The following TULP4 variants were observed in gnomAD, a reference collection of about 807,000 sequenced individuals.
TULP4 encodes the protein tubby-related protein 4.
In TULP4, 16 loss-of-function variants were observed where a neutral mutation model predicts 129.0. The observed-to-expected ratio is 0.12, with a 90% CI of 0.08 to 0.19. The LOEUF is 0.19. Ranked by LOEUF, TULP4 falls within the 10% of genes least tolerant of loss-of-function variation. The pLI is 1.00. For missense variants in TULP4, 1,842 were observed against 2,059.1 expected, an observed-to-expected ratio of 0.89 and a Z score of 2.04; for synonymous variants, 998 against 854.0, an observed-to-expected ratio of 1.17 and a Z score of -2.94.
chr6:158,402,925 G>A (rs1777888602), intron 1 of TULP4, among the ~76,000 whole-genome samples: 1 of 147,860 alleles, frequency 6.8e-6, no homozygotes, highest in African/African-American at 2.5e-5. Flanking sequence ...TATGTTGGGA[G>A]AATAACAACC....
intron 1 of TULP4, among the ~76,000 whole-genome samples, chr6:158,349,011 AC>A (rs1780400537): frequency 3.1e-5 from 2 of 64,464 alleles, no homozygotes; most frequent in African/African-American, 1.3e-4. Flanking sequence ...GGCGCTCCTC[AC>A]TTCCCAGACG....
At chr6:158,424,164 G>C (rs1778420778) in intron 2 of TULP4, among the ~76,000 whole-genome samples, 1 of 152,110 alleles carries the variant, frequency 6.6e-6, no homozygotes, top group Non-Finnish European at 1.5e-5. Context: ...TTGGTTCCAG[G>C]ACTTTCCACA....
At chr6:158,372,785 A>G (rs923982883) in intron 1 of TULP4, among the ~76,000 whole-genome samples, 1 of 152,186 alleles carries the variant, frequency 6.6e-6, no homozygotes, top group Non-Finnish European at 1.5e-5. Flanking sequence ...CCATATTTCT[A>G]AAGTGTCATC....
chr6:158,506,763 G>C lies in TULP4; in HGVS notation c.*69G>C. On this transcript the variant is annotated 3_prime_UTR_variant, in exon 14 of 14. Coordinates refer to ENST00000367097, the MANE Select transcript of TULP4 (RefSeq NM_020245.5). ...AGAGGTCTTCGGAGATGCCAGAGGAGCCCTCTAGGGGTCCGATGCCTGGGA... is the reference window on the plus strand; with the variant it reads ...AGAGGTCTTCGGAGATGCCAGAGGACCCCTCTAGGGGTCCGATGCCTGGGA... 2.7e-6 allele frequency: 3 copies of C among 1,108,878 alleles called. No individual in the cohort carries two copies. Among genetic ancestry groups the C allele is most frequent in the Non-Finnish European group, 4.1e-6 (3 of 730,440 alleles). The allele number at this position is 1,108,878 out of a possible 1,614,324, so 68.7% of individuals were successfully genotyped here.
rs146775344 is a variant in TULP4 at position 158,501,996 on chromosome 6, C to T, written c.2333C>T (p.Pro778Leu). 3.9e-5 allele frequency: 63 copies of T among 1,613,736 alleles called. No individual in the cohort carries two copies. The highest frequency in any genetic ancestry group is 1.1e-4 in the African/African-American group (8 of 74,862). Residue 778 changes from proline to leucine, a missense_variant, in exon 13 of 14, where the codon CCG becomes CTG. By Grantham distance (98) the Pro-to-Leu change is moderately conservative. Around this residue, in one of 5 missense-constraint regions of TULP4, gnomAD observed 1,089 missense variants for 987.1 expected, o/e 1.10. Transcript: ENST00000367097. ...CCCCCTCCACTGTCCCTGCCTCCCCCGCCGCAGGGGCCCATGCAGCTGTCC... is the reference window on the plus strand; with the variant it reads ...CCCCCTCCACTGTCCCTGCCTCCCCTGCCGCAGGGGCCCATGCAGCTGTCC... Reference protein sequence around the residue: ...QNPPPLSLPPPPQGPMQLSTV... With the variant: ...QNPPPLSLPPLPQGPMQLSTV...
At chr6:158,439,614 T>G (rs1244614004) in intron 3 of TULP4, among the ~76,000 whole-genome samples, 1 of 151,522 alleles carries the variant, frequency 6.6e-6, no homozygotes, top group South Asian at 2.1e-4. Flanking sequence ...GATTTTAGTT[T>G]CCCTGCAAAG....
At position 158,493,608 on chromosome 6, in the gene TULP4, C is replaced by A. The variant is rs746192901; in HGVS notation, c.1667C>A (p.Pro556His). ...GAGGCCCGCAAGTCACCCAAGCTGC[C>A]CCGGGCTGCTCAGGAGCTCTCCCGG... ...SIEARKSPKL[P>H]RAAQELSRSP... The change falls in exon 10 of 14, where the codon CCC (proline) becomes CAC (histidine). Residue 556 changes from proline (P) to histidine (H), a missense_variant. Pro to His is a moderately conservative substitution (Grantham distance 77). Coordinates refer to ENST00000367097, the MANE Select transcript of TULP4 (RefSeq NM_020245.5). The surrounding 1 kb of genome is among the most constrained non-coding windows in gnomAD (Gnocchi z 4.4). The A allele has an allele frequency of 6.3e-7, 1 of 1,582,232 alleles. No individual in the cohort carries two copies. The highest frequency in any genetic ancestry group is 8.6e-7 in the Non-Finnish European group (1 of 1,164,596).
intron 1 of TULP4, among the ~76,000 whole-genome samples, chr6:158,363,423 A>C (rs1444172064): frequency 1.3e-5 from 2 of 152,136 alleles, no homozygotes; most frequent in East Asian, 1.9e-4. Context: ...ATTTTTTTCA[A>C]CTGTCATTTT....
At chr6:158,325,138 G>A (rs1373109616) in intron 1 of TULP4, among the ~76,000 whole-genome samples, 1 of 152,208 alleles carries the variant, frequency 6.6e-6, no homozygotes, top group Non-Finnish European at 1.5e-5. Flanking sequence ...AAAATCAAAT[G>A]TGAGTGTAAA....
At chr6:158,285,321 T>TAAGCAACAAA (rs1228525046) in intron 1 of TULP4, among the ~76,000 whole-genome samples, 54 of 152,262 alleles carry the variant, frequency 3.5e-4, no homozygotes, top group African/African-American at 1.2e-3. Context: ...TATTATTTGT[T>TAAGCAACAAA]TATTGTTGCT....
At position 158,502,193 on chromosome 6, in the gene TULP4, G is replaced by A; in HGVS notation, c.2530G>A (p.Ala844Thr). 6.9e-7 allele frequency: 1 copy of A among 1,455,818 alleles called. No individual in the cohort carries two copies. Among genetic ancestry groups the A allele is most frequent in the Non-Finnish European group, 9.1e-7 (1 of 1,099,010 alleles). 90.2% of individuals were successfully genotyped at this position (1,455,818 alleles called of 1,614,324 possible). Residue 844 changes from alanine (A) to threonine (T), a missense_variant, in exon 13 of 14, where the codon GCC (alanine) becomes ACC (threonine). Physicochemically the swap from Ala to Thr is moderately conservative, Grantham distance 58. Around this residue, in one of 5 missense-constraint regions of TULP4, gnomAD observed 1,089 missense variants for 987.1 expected, o/e 1.10. Transcript: ENST00000367097. ...CCCGTACCCAGGAACCATCCCCGCT[G>A]CCCCCACCACAGCAGCACCCCCGCC... is the stretch of plus-strand genomic sequence containing the variant. ...PPPYPGTIPA[A>T]PTTAAPPPPL...
chr6:158,271,842 A>G (rs1302718950), intron 1 of TULP4, among the ~76,000 whole-genome samples: 1 of 152,224 alleles, frequency 6.6e-6, no homozygotes, highest in Admixed American at 6.5e-5. Context: ...CTGAGAATAA[A>G]TCTGTTTTGG....
At chr6:158,304,512 C>T (rs1306587899) in intron 1 of TULP4, among the ~76,000 whole-genome samples, 4 of 152,084 alleles carry the variant, frequency 2.6e-5, no homozygotes, top group Admixed American at 2.6e-4. Flanking sequence ...CCTGTGTTAA[C>T]AGTGCTCAGG....
chr6:158,289,544 G>A (rs963900423), intron 1 of TULP4, among the ~76,000 whole-genome samples: 1 of 151,942 alleles, frequency 6.6e-6, no homozygotes, highest in Admixed American at 6.6e-5. Context: ...TTTTATAACA[G>A]TTTCTTCTTT....
intron 8 of TULP4, among the ~76,000 whole-genome samples, chr6:158,482,379 C>A (rs1779967916): frequency 6.6e-6 from 1 of 152,176 alleles, no homozygotes; most frequent in South Asian, 2.1e-4. Flanking sequence ...CTCTACTACC[C>A]CTGCAAAACA....
At position 158,493,769 on chromosome 6, in the gene TULP4, C is replaced by T; in HGVS notation, c.1776+52C>T. 6.8e-7 allele frequency: 1 copy of T among 1,477,638 alleles called. No homozygotes were observed. The highest frequency in any genetic ancestry group is 1.4e-5 in the South Asian group (1 of 71,408). The allele number at this position is 1,477,638 out of a possible 1,614,324, so 91.5% of individuals were successfully genotyped here. A position where few individuals can be genotyped will look rare whatever the true frequency, so the allele number is the denominator to read the frequency against. ...GCTCCCCTCCTCCTGGGGGCTATGC[C>T]CAGAGGGCCCCTTCCTACCCGCCGC... On this transcript the variant is annotated intron_variant, in intron 10 of 13. Transcript: ENST00000367097. The surrounding 1 kb of genome is among the most constrained non-coding windows in gnomAD (Gnocchi z 4.4).
upstream of TULP4, chr6:158,312,335 A>G (rs190326240): frequency 3.0e-4 from 117 of 389,762 alleles, 1 homozygote; most frequent in African/African-American, 2.0e-3. Context: ...AGTTTTCCAT[A>G]TGGTCTGCAC....
intron 11 of TULP4, among the ~76,000 whole-genome samples, chr6:158,496,940 T>C (rs536527055): frequency 6.6e-6 from 1 of 152,348 alleles, no homozygotes; most frequent in Admixed American, 6.5e-5. Flanking sequence ...CTCAAGCTCC[T>C]GCGCTCGAGT....
chr6:158,242,390 C>G (rs1332664688), intron 1 of TULP4: 5 of 1,477,886 alleles, frequency 3.4e-6, no homozygotes, highest in Non-Finnish European at 4.7e-6. Context: ...TTTTCCTCTC[C>G]TCATCATAAG....
Sources: allele counts gnomAD v4.1 joint callset (sites outside exome capture counted in the v4.1 genomes callset), GRCh38; gene constraint gnomAD v4.1.1; regional missense constraint gnomAD v4.1.1; non-coding constraint Gnocchi (gnomAD v3.1); transcripts MANE v1.5; gene names NCBI Gene and HGNC (gene_info 2026-07-23, HGNC 2026-07-21).